The following NSUN3 variants were observed in gnomAD, a reference collection of about 807,000 sequenced individuals.
The protein encoded by NSUN3 is tRNA (cytosine(34)-C(5))-methyltransferase, mitochondrial.
Under a neutral mutation model 36.8 loss-of-function variants are expected in NSUN3, and 24 were observed. That is an observed-to-expected ratio of 0.65 (90% CI 0.47 to 0.92). The LOEUF is 0.92. Ranked by LOEUF, NSUN3 falls within the 40% of genes least tolerant of loss-of-function variation. The pLI, the probability that NSUN3 is intolerant of heterozygous loss-of-function variation, is 0.00. For synonymous variants in NSUN3, 146 were observed against 145.2 expected, an observed-to-expected ratio of 1.01 and a Z score of -0.04; for missense variants, 381 against 392.8, an observed-to-expected ratio of 0.97 and a Z score of 0.25.
intron 2 of NSUN3, among the ~76,000 whole-genome samples, chr3:94,070,618 C>G (rs1403432142): frequency 6.6e-6 from 1 of 152,196 alleles, no homozygotes; most frequent in Non-Finnish European, 1.5e-5. Flanking sequence ...CAGAAAATTA[C>G]TCTGCCCCTC....
chr3:94,073,272 T>C (rs1366278604), intron 2 of NSUN3, among the ~76,000 whole-genome samples: 1 of 152,196 alleles, frequency 6.6e-6, no homozygotes, highest in Admixed American at 6.5e-5. Context: ...TATGTGTGCA[T>C]GTGTCCTTAT....
chr3:94,126,232 T>C lies in NSUN3; in HGVS notation c.765T>C (p.Arg255=), dbSNP rs923431701. The C allele has an allele frequency of 3.7e-6, 6 of 1,613,820 alleles. No homozygotes were observed. In the African/African-American group the frequency reaches 4.0e-5, roughly 11 times the overall value. Residue 255 remains arginine (R), a synonymous_variant, in exon 6 of 6, where the codon CGT becomes CGC. Transcript: ENST00000314622. ...ELLRSAIKAL[R]PGGILVYSTC... is the part of the protein sequence containing the mutation. Reference sequence around the variant, plus strand: ...ACAGGTCTGCAATTAAGGCCTTACGTCCTGGAGGGATACTTGTATACTCTA... The same window carrying C: ...ACAGGTCTGCAATTAAGGCCTTACGCCCTGGAGGGATACTTGTATACTCTA...
At chr3:94,082,238 AGCAG>A (rs1165243505) in intron 2 of NSUN3, 1 of 152,208 alleles carries the variant, frequency 6.6e-6, no homozygotes, top group East Asian at 1.9e-4. Flanking sequence ...TCAGTTTTAA[AGCAG>A]TCTCCCCCAA....
intron 5 of NSUN3, among the ~76,000 whole-genome samples, chr3:94,107,430 GCA>G (rs2077394783): frequency 6.6e-6 from 1 of 151,718 alleles, no homozygotes; most frequent in African/African-American, 2.4e-5. Flanking sequence ...TGGGACCACA[GCA>G]TGTGCCACCA....
At chr3:94,097,044 C>T (rs1469979492) in intron 5 of NSUN3, among the ~76,000 whole-genome samples, 3 of 152,076 alleles carry the variant, frequency 2.0e-5, no homozygotes, top group Admixed American at 6.6e-5. Flanking sequence ...TGTTTTTCCT[C>T]CCATTTTGTC....
chr3:94,082,726 A>G (rs2077274958), intron 2 of NSUN3, among the ~76,000 whole-genome samples: 1 of 152,202 alleles, frequency 6.6e-6, no homozygotes, highest in African/African-American at 2.4e-5. Flanking sequence ...ATCACCTGTC[A>G]GTTGATATGA....
chr3:94,112,486 A>G (rs1335343638), intron 5 of NSUN3, among the ~76,000 whole-genome samples: 1 of 152,204 alleles, frequency 6.6e-6, no homozygotes, highest in Admixed American at 6.5e-5. Flanking sequence ...TTAAATAAGA[A>G]TCTGAGTAGG....
Position 94,064,604 on chromosome 3 carries a change from C to CT in NSUN3, c.122+63dup, listed in dbSNP as rs567620024. On this transcript the variant is annotated intron_variant, in intron 2 of 5. Coordinates refer to ENST00000314622, the MANE Select transcript of NSUN3 (RefSeq NM_022072.5). ...GAACAAAGTACAATATGTAGTCCTC[C>CT]TTTTTGTGGGAGGGATGCTGTGAGG... 1.2e-4 allele frequency: 133 copies of CT among 1,072,922 alleles called. No homozygotes were observed. In the African/African-American group the frequency reaches 1.7e-3, roughly 14 times the overall value. The allele number at this position is 1,072,922 out of a possible 1,614,324, so 66.5% of individuals were successfully genotyped here. A position where few individuals can be genotyped will look rare whatever the true frequency, so the allele number is the denominator to read the frequency against.
intron 5 of NSUN3, among the ~76,000 whole-genome samples, chr3:94,114,650 G>A (rs1394051699): frequency 2.0e-5 from 3 of 152,144 alleles, no homozygotes; most frequent in African/African-American, 4.8e-5. Context: ...GGGTACATGT[G>A]CAGGTTTGTT....
chr3:94,086,753 G>A (rs2077294206), intron 3 of NSUN3, among the ~76,000 whole-genome samples: 1 of 152,098 alleles, frequency 6.6e-6, no homozygotes, highest in African/African-American at 2.4e-5. Flanking sequence ...TATTTTACAA[G>A]TTTACCTCGT....
chr3:94,106,411 T>C (rs899647411), intron 5 of NSUN3, among the ~76,000 whole-genome samples: 2 of 152,192 alleles, frequency 1.3e-5, no homozygotes, highest in African/African-American at 4.8e-5. Flanking sequence ...AGTCTTTTGA[T>C]AATAAACAGT....
At chr3:94,119,010 T>C (rs2077451428) in intron 5 of NSUN3, among the ~76,000 whole-genome samples, 1 of 152,158 alleles carries the variant, frequency 6.6e-6, no homozygotes, top group African/African-American at 2.4e-5. Context: ...GTTGTAAAAA[T>C]ACATATACAG....
At chr3:94,096,836 C>T (rs2107257312) in intron 5 of NSUN3, among the ~76,000 whole-genome samples, 1 of 152,198 alleles carries the variant, frequency 6.6e-6, no homozygotes, top group Non-Finnish European at 1.5e-5. Context: ...ACCAGCCTTG[C>T]CATTGTTATT....
intron 5 of NSUN3, among the ~76,000 whole-genome samples, chr3:94,105,670 G>A (rs535431312): frequency 7.4e-4 from 113 of 152,086 alleles, no homozygotes; most frequent in African/African-American, 2.7e-3. Context: ...ACCAAATCTA[G>A]CTAGAGGCAG....
chr3:94,064,303 G>A, intron 1 of NSUN3, 134 bp from the exon 2 acceptor site: 1 of 627,804 alleles, frequency 1.6e-6, no homozygotes, highest in Non-Finnish European at 2.8e-6. Flanking sequence ...TACATGTAAG[G>A]TATTGCTTCC....
At chr3:94,092,420 A>G (rs906760294) in intron 3 of NSUN3, among the ~76,000 whole-genome samples, 2 of 152,106 alleles carry the variant, frequency 1.3e-5, no homozygotes, top group African/African-American at 2.4e-5. Context: ...CTTCTGTCTT[A>G]CATTGTTTTC....
intron 5 of NSUN3, among the ~76,000 whole-genome samples, chr3:94,114,285 C>G (rs910369209): frequency 6.6e-6 from 1 of 152,158 alleles, no homozygotes; most frequent in Non-Finnish European, 1.5e-5. Context: ...CTTTCCGGTA[C>G]TAGATTTGAG....
chr3:94,078,562 G>T (rs111793919), intron 2 of NSUN3, among the ~76,000 whole-genome samples: 10 of 152,234 alleles, frequency 6.6e-5, no homozygotes, highest in African/African-American at 2.4e-4. Context: ...CTATTATTGT[G>T]TGGGAGTCTA....
intron 1 of NSUN3, chr3:94,063,708 C>A (rs936442487): frequency 3.3e-5 from 5 of 152,662 alleles, no homozygotes; most frequent in African/African-American, 1.2e-4. Context: ...ACCTTGAACT[C>A]CTGGGTTCAA....
Sources: gnomAD v4.1 joint callset for allele counts (sites outside exome capture counted in the v4.1 genomes callset) on GRCh38, gnomAD v4.1.1 for gene constraint, MANE v1.5 for transcripts, NCBI Gene and HGNC (gene_info 2026-07-23, HGNC 2026-07-21) for gene names.